The following BCO1 variants were observed in gnomAD, a reference collection of about 807,000 sequenced individuals.
The protein encoded by BCO1 is beta-carotene oxygenase 1.
A neutral mutation model predicts 56.3 loss-of-function variants in BCO1; 54 were observed. The ratio of observed to expected loss-of-function variants is 0.96; its 90% CI spans 0.77 to 1.20. The LOEUF is 1.20. Ranked by LOEUF, BCO1 falls within the 50% of genes most tolerant of loss-of-function variation. The probability of loss-of-function intolerance (pLI) is 0.00; values close to 1 mark genes in which losing one functional copy is unlikely to be tolerated. For synonymous variants in BCO1, 318 were observed against 266.1 expected, an observed-to-expected ratio of 1.20 and a Z score of -1.90; for missense variants, 801 against 690.9, an observed-to-expected ratio of 1.16 and a Z score of -1.79.
chr16:81,271,365 T>C (rs1398658820), intron 7 of BCO1, among the ~76,000 whole-genome samples: 1 of 152,164 alleles, frequency 6.6e-6, no homozygotes, highest in African/African-American at 2.4e-5. Context: ...TCCACCCACC[T>C]TGGCCTCCCA....
chr16:81,246,641 G>A (rs551983233), intron 2 of BCO1, among the ~76,000 whole-genome samples: 36 of 151,660 alleles, frequency 2.4e-4, no homozygotes, highest in African/African-American at 7.5e-4. Context: ...ATTCAGGGTC[G>A]GGAGTTTGAG....
At chr16:81,258,289 T>C (rs1263201078) in intron 2 of BCO1, among the ~76,000 whole-genome samples, 1 of 152,212 alleles carries the variant, frequency 6.6e-6, no homozygotes, top group Non-Finnish European at 1.5e-5. Flanking sequence ...TAGAACCATC[T>C]GGTATATTTT....
intron 3 of BCO1, 148 bp from the exon 4 acceptor site, chr16:81,261,988 T>C (rs1294107703): frequency 6.7e-6 from 6 of 892,628 alleles, no homozygotes; most frequent in East Asian, 2.5e-5. Context: ...GTGATCCACC[T>C]GCCTCGGCCT....
intron 2 of BCO1, among the ~76,000 whole-genome samples, chr16:81,258,209 C>CT (rs1906265200): frequency 6.6e-6 from 1 of 152,138 alleles, no homozygotes; most frequent in Non-Finnish European, 1.5e-5. Context: ...GAGATAATGA[C>CT]TGTATGTTGT....
At chr16:81,290,317 T>C (rs1277960664) in intron 10 of BCO1, 31 bp from the exon 11 acceptor site, 20 of 1,574,112 alleles carry the variant, frequency 1.3e-5, no homozygotes, top group Non-Finnish European at 1.6e-5. Context: ...CCTGCACTTT[T>C]ACGAAGTGTT....
intron 2 of BCO1, among the ~76,000 whole-genome samples, chr16:81,248,508 T>G (rs1357545244): frequency 6.6e-6 from 1 of 151,978 alleles, no homozygotes; most frequent in East Asian, 1.9e-4. Context: ...TGCTCTAACA[T>G]TTACACATGA....
Position 81,270,317 on chromosome 16 carries a change from C to T in BCO1, c.1002C>T (p.Leu334=), listed in dbSNP as rs760657951. ...IAYEDNSLYQ[L]FYLANLNQDF... ...ACGAGGACAACAGCCTCTACCAGCT[C>T]TTCTACCTGGCCAACCTGAACCAGG... is the stretch of plus-strand genomic sequence containing the variant. The change falls in exon 7 of 11, where the codon CTC becomes CTT. Residue 334 remains leucine (L), a synonymous_variant. Coordinates refer to ENST00000258168, the MANE Select transcript of BCO1 (RefSeq NM_017429.3). 30 of 1,614,036 alleles carry T rather than the reference C, an allele frequency of 1.9e-5. No homozygotes were observed. In the East Asian group the frequency reaches 6.5e-4, roughly 35 times the overall value.
chr16:81,274,654 G>T (rs546591663), intron 7 of BCO1, among the ~76,000 whole-genome samples: 1 of 152,308 alleles, frequency 6.6e-6, no homozygotes, highest in East Asian at 1.9e-4. Context: ...CCAGGCAGGT[G>T]ATCACCTGAG....
intron 3 of BCO1, among the ~76,000 whole-genome samples, chr16:81,261,161 G>A (rs1047144940): frequency 1.3e-5 from 2 of 152,156 alleles, no homozygotes; most frequent in African/African-American, 4.8e-5. Flanking sequence ...CCTGGTAGGG[G>A]AGATAGCAGG....
intron 2 of BCO1, among the ~76,000 whole-genome samples, chr16:81,250,529 A>G (rs1470403320): frequency 6.6e-6 from 1 of 151,474 alleles, no homozygotes; most frequent in Non-Finnish European, 1.5e-5. Flanking sequence ...CTGAAAACAA[A>G]GCCAATAACT....
chr16:81,245,581 C>G lies in BCO1; in HGVS notation c.171C>G (p.Leu57=), dbSNP rs751074102. The change falls in exon 2 of 11, where the codon CTC becomes CTG. Residue 57 remains leucine (L), a synonymous_variant. Transcript: ENST00000258168. ...ATTGGTTCGACGGCCTTGCCCTGCT[C>G]CACAGCTTCACCATCAGAGACGGTG... ...YNHWFDGLAL[L]HSFTIRDGEV... is the part of the protein sequence containing the mutation. 5.0e-6 allele frequency: 8 copies of G among 1,614,072 alleles called. No homozygotes were observed. Among genetic ancestry groups the G allele is most frequent in the Non-Finnish European group, 6.8e-6 (8 of 1,180,028 alleles).
intron 7 of BCO1, 90 bp from the exon 8 acceptor site, chr16:81,280,767 C>G (rs1907831802): frequency 6.5e-6 from 6 of 916,484 alleles, no homozygotes; most frequent in Non-Finnish European, 1.1e-5. Flanking sequence ...GACATGTATT[C>G]AAGCATTTTA....
chr16:81,256,956 A>T (rs1436479402), intron 2 of BCO1, among the ~76,000 whole-genome samples: 2 of 151,144 alleles, frequency 1.3e-5, no homozygotes, highest in East Asian at 3.9e-4. Flanking sequence ...TCCCAATTTC[A>T]TTTCACTCCT....
At chr16:81,283,879 C>T (rs537995806) in intron 8 of BCO1, among the ~76,000 whole-genome samples, 37 of 151,890 alleles carry the variant, frequency 2.4e-4, no homozygotes, top group Admixed American at 3.9e-4. Flanking sequence ...ATGCAATAGG[C>T]ATATATACAT....
rs71710906 is a variant in BCO1 at position 81,246,850 on chromosome 16, C to CAAAAAAAAAAAAA, written c.193+1253_193+1265dup. 3.6e-3 allele frequency among the ~76,000 whole-genome samples: 300 copies of CAAAAAAAAAAAAA among 83,274 alleles called. 19 individuals carry two copies. Among genetic ancestry groups the CAAAAAAAAAAAAA allele is most frequent in the East Asian group, 6.4e-3 (14 of 2,176 alleles). The allele number at this position is 83,274 out of a possible 152,430, so 54.6% of individuals were successfully genotyped here. A position where few individuals can be genotyped will look rare whatever the true frequency, so the allele number is the denominator to read the frequency against. On this transcript the variant is annotated intron_variant, in intron 2 of 10. Coordinates refer to ENST00000258168, the MANE Select transcript of BCO1 (RefSeq NM_017429.3). ...TGGGAGACAGAGCCAGACTTTGTCT[C>CAAAAAAAAAAAAA]AAAAAAAAAAAAAAAAAAGAAGAGT...
chr16:81,272,871 A>C lies in BCO1; in HGVS notation c.1101+2455A>C, dbSNP rs966418641. On this transcript the variant is annotated intron_variant, in intron 7 of 10. Transcript: ENST00000258168. ...GAAGCCTCATTTTACAGATGAACAAACTGAGGCTCAGAGAAGTTAAGAAAT... is the reference window on the plus strand; with the variant it reads ...GAAGCCTCATTTTACAGATGAACAACCTGAGGCTCAGAGAAGTTAAGAAAT... Among the ~76,000 whole-genome samples, 4 of 152,222 alleles carry C rather than the reference A, an allele frequency of 2.6e-5. No individual in the cohort carries two copies. In the East Asian group the frequency reaches 7.7e-4, roughly 29 times the overall value.
chr16:81,265,608 C>T (rs1906768926), intron 5 of BCO1, among the ~76,000 whole-genome samples: 1 of 149,538 alleles, frequency 6.7e-6, no homozygotes. Context: ...ATTCATCCAT[C>T]CATCCACCCA....
At chr16:81,281,227 C>G (rs1234793857) in intron 8 of BCO1, among the ~76,000 whole-genome samples, 1 of 152,176 alleles carries the variant, frequency 6.6e-6, no homozygotes, top group African/African-American at 2.4e-5. Flanking sequence ...AGGCAGATCA[C>G]TTGAGGCCAG....
intron 2 of BCO1, among the ~76,000 whole-genome samples, chr16:81,254,859 C>T (rs965247932): frequency 7.2e-5 from 11 of 152,038 alleles, no homozygotes; most frequent in Admixed American, 2.0e-4. Flanking sequence ...TGCAGTAGTG[C>T]GATCTTGGCT....
Sources: allele counts gnomAD v4.1 joint callset (sites outside exome capture counted in the v4.1 genomes callset), GRCh38; gene constraint gnomAD v4.1.1; transcripts MANE v1.5; gene names NCBI Gene and HGNC (gene_info 2026-07-23, HGNC 2026-07-21).